PMCH: variants seen among roughly 807,000 people sequenced by gnomAD.
PMCH encodes pro-MCH.
A neutral mutation model predicts 15.9 loss-of-function variants in PMCH; 8 were observed. The ratio of observed to expected loss-of-function variants is 0.50; its 90% confidence interval spans 0.29 to 0.91. PMCH has a LOEUF of 0.91. Among genes scored for constraint, PMCH ranks in the 40% least tolerant of loss-of-function variants. PMCH has a pLI of 0.07. For missense variants in PMCH, 169 were observed against 185.7 expected (o/e 0.91, Z 0.52); for synonymous variants, 73 against 63.8 (o/e 1.14, Z -0.69).
Position 102,196,558 on chromosome 12 carries a change from A to G in PMCH, c.*94T>C. ...CTTTCTTTTAAAACAGACATTTAAC[A>G]TACACAAGTTATAGTAGCAGTATGG... is the stretch of plus-strand genomic sequence containing the variant. On this transcript the variant is annotated 3_prime_UTR_variant, in exon 3 of 3. Coordinates refer to ENST00000329406, the MANE Select transcript of PMCH (RefSeq NM_002674.4). The G allele has an allele frequency of 1.1e-6, 1 of 905,610 alleles. No individual in the cohort carries two copies. The highest frequency in any genetic ancestry group is 2.4e-5 in the East Asian group (1 of 41,696). The allele number at this position is 905,610 out of a possible 1,614,324, so 56.1% of individuals were successfully genotyped here.
Position 102,197,755 on chromosome 12 carries a change from G to T in PMCH, c.16C>A (p.Leu6Ile). The T allele has an allele frequency of 1.3e-6, 2 of 1,581,498 alleles. No individual in the cohort carries two copies. Among genetic ancestry groups the T allele is most frequent in the Non-Finnish European group, 1.7e-6 (2 of 1,163,322 alleles). ...GTTAGTATTAATATATAGGAAGAGA[G>T]ATTCATTTTTGCCATTCTTAGTTTG... is the stretch of plus-strand genomic sequence containing the variant. MAKMN[L>I]SSYILILTFS... The change falls in exon 1 of 3, where the codon CTC becomes ATC. Residue 6 changes from leucine to isoleucine, a missense_variant. Coordinates refer to ENST00000329406, the MANE Select transcript of PMCH (RefSeq NM_002674.4).
rs1891330798 is a variant in PMCH, at chr12:102,196,587, T to A, written c.*65A>T. The A allele has an allele frequency of 1.8e-6, 2 of 1,133,836 alleles. No homozygotes were observed. Among genetic ancestry groups the A allele is most frequent in the Non-Finnish European group, 2.7e-6 (2 of 742,798 alleles). 70.2% of individuals were successfully genotyped at this position (1,133,836 alleles called of 1,614,324 possible). A position where few individuals can be genotyped will look rare whatever the true frequency, so the allele number is the denominator to read the frequency against. ...ACAAGTTATAGTAGCAGTATGGGCTTCTCCTCCCATTGGCAATTAAATGCT... is the reference window on the plus strand; with the variant it reads ...ACAAGTTATAGTAGCAGTATGGGCTACTCCTCCCATTGGCAATTAAATGCT... On this transcript the variant is annotated 3_prime_UTR_variant, in exon 3 of 3. Coordinates refer to ENST00000329406, the MANE Select transcript of PMCH (RefSeq NM_002674.4).
chr12:102,197,134 AGACCATGATTTAAGAAAT>A lies in PMCH; in HGVS notation c.269_286del (p.Asn90_Leu96delinsMet), dbSNP rs1266971496. ...AGGTTTTATAGCCAGATTCAGTGGC[AGACCATGATTTAAGAAAT>A]TATGTTTGGAGCCTGTGTTCTGTAA... On this transcript the variant is annotated inframe_deletion, in exon 2 of 3. Coordinates refer to ENST00000329406, the MANE Select transcript of PMCH (RefSeq NM_002674.4). The A allele has an allele frequency of 3.0e-5, 49 of 1,612,152 alleles. No individual in the cohort carries two copies. The highest frequency in any genetic ancestry group is 4.1e-5 in the Non-Finnish European group (48 of 1,178,672).
rs1891380789 is a variant in PMCH at position 102,197,115 on chromosome 12, T to C, written c.306A>G (p.Ile102Met). The change falls in exon 2 of 3, where the codon ATA (isoleucine) becomes ATG (methionine). Residue 102 changes from isoleucine to methionine, a missense_variant. Physicochemically the swap from Ile to Met is conservative, Grantham distance 10. Coordinates refer to ENST00000329406, the MANE Select transcript of PMCH (RefSeq NM_002674.4). ...LNHGLPLNLA[I>M]KPYLALKGSV... ...ATCCTTTTAGTGCAAGATAAGGTTT[T>C]ATAGCCAGATTCAGTGGCAGACCAT... The C allele has an allele frequency of 2.5e-6, 4 of 1,612,372 alleles. No homozygotes were observed. Among genetic ancestry groups the C allele is most frequent in the Non-Finnish European group, 3.4e-6 (4 of 1,178,734 alleles).
rs761128374 is a variant in PMCH, at chr12:102,196,692, C to T, written c.458G>A (p.Cys153Tyr). Residue 153 changes from cysteine (C) to tyrosine (Y), a missense_variant, in exon 3 of 3, where the codon TGT becomes TAT. Cys to Tyr is a radical substitution (Grantham distance 194). Coordinates refer to ENST00000329406, the MANE Select transcript of PMCH (RefSeq NM_002674.4). The stretch of plus-strand genomic sequence containing the variant: ...AGGTCGGTAGACTCTTCCCAGCATA[C>T]ATCTGAGCACTGAAGGAAGAAGAAA... ...IGRRDFDMLRCMLGRVYRPCW... is the reference protein window; with the variant it reads ...IGRRDFDMLRYMLGRVYRPCW... 4 of 1,607,720 alleles carry T rather than the reference C, an allele frequency of 2.5e-6. No homozygotes were observed. The highest frequency in any genetic ancestry group is 1.1e-5 in the South Asian group (1 of 90,894).
At chr12:102,196,837 TC>T in intron 2 of PMCH, 135 bp downstream of exon 2, 1 of 1,038,936 alleles carries the variant, frequency 9.6e-7, no homozygotes, top group Non-Finnish European at 1.5e-6. Context: ...TGCTATTTAA[TC>T]CCACATTTTT....
At chr12:102,196,740 T>C (rs757922645) in intron 2 of PMCH, 39 bp from the exon 3 acceptor site, 8 of 1,457,898 alleles carry the variant, frequency 5.5e-6, no homozygotes, top group Non-Finnish European at 7.7e-6. Context: ...TAAAGGACTA[T>C]AATTATCACA....
In PMCH at chr12:102,196,519, A is replaced by G; in HGVS notation, c.*133T>C. 1.3e-6 allele frequency: 1 copy of G among 771,176 alleles called. No homozygotes were observed. Among genetic ancestry groups the G allele is most frequent in the Admixed American group, 2.1e-5 (1 of 46,730 alleles). The allele number at this position is 771,176 out of a possible 1,614,324, so 47.8% of individuals were successfully genotyped here. A position where few individuals can be genotyped will look rare whatever the true frequency, so the allele number is the denominator to read the frequency against. The stretch of plus-strand genomic sequence containing the variant: ...AAAGCATATCATTTCAGTTACTGAT[A>G]CATCTTAACACTACTTTCTTTTAAA... On this transcript the variant is annotated 3_prime_UTR_variant, in exon 3 of 3. Coordinates refer to ENST00000329406, the MANE Select transcript of PMCH (RefSeq NM_002674.4).
At position 102,197,700 on chromosome 12, in the gene PMCH, A is replaced by G. The variant is rs1891437142; in HGVS notation, c.71T>C (p.Leu24Pro). 1 of 1,608,526 alleles carries G rather than the reference A, an allele frequency of 6.2e-7. No homozygotes were observed. The highest frequency in any genetic ancestry group is 1.7e-4 in the Middle Eastern group (1 of 6,048). Residue 24 changes from leucine to proline, a missense_variant, in exon 1 of 3, where the codon CTT (leucine) becomes CCT (proline). Coordinates refer to ENST00000329406, the MANE Select transcript of PMCH (RefSeq NM_002674.4). ...TFSLFSQGIL[L>P]SASKSIRNLD... ...ATTTCTTATGGACTTGGATGCTGAA[A>G]GTAAAATACCTTGAGAAAACAAAGA... is the stretch of plus-strand genomic sequence containing the variant.
chr12:102,197,026 A>G lies in PMCH; in HGVS notation c.395T>C (p.Ile132Thr), dbSNP rs138083104. ...NTESTQEKRE[I>T]GDEENSAKFP... ...TTTAGCTGAGTTTTCTTCATCCCCA[A>G]TTTCTCTCTTTTCTTGTGTTGATTC... is the stretch of plus-strand genomic sequence containing the variant. The change falls in exon 2 of 3, where the codon ATT becomes ACT. Residue 132 changes from isoleucine (I) to threonine (T), a missense_variant. Ile to Thr is a moderately conservative substitution (Grantham distance 89). Transcript: ENST00000329406. 98 of 1,611,892 alleles carry G rather than the reference A, an allele frequency of 6.1e-5. No individual in the cohort carries two copies. The highest frequency in any genetic ancestry group is 1.6e-4 in the Middle Eastern group (1 of 6,076).
Position 102,196,662 on chromosome 12 carries a change from C to A in PMCH, c.488G>T (p.Trp163Leu). 6.2e-7 allele frequency: 1 copy of A among 1,610,150 alleles called. No individual in the cohort carries two copies. Among genetic ancestry groups the A allele is most frequent in the Non-Finnish European group, 8.5e-7 (1 of 1,176,880 alleles). The change falls in exon 3 of 3, where the codon TGG (tryptophan) becomes TTG (leucine). Residue 163 changes from tryptophan (W) to leucine (L), a missense_variant. Coordinates refer to ENST00000329406, the MANE Select transcript of PMCH (RefSeq NM_002674.4). ...CMLGRVYRPC[W>L]QV ...GTGGACCAACAGGTATCAGACTTGC[C>A]AACAAGGTCGGTAGACTCTTCCCAG...
At position 102,197,219 on chromosome 12, in the gene PMCH, G is replaced by C. The variant is rs781587463; in HGVS notation, c.250-48C>G. On this transcript the variant is annotated intron_variant, in intron 1 of 2. Transcript: ENST00000329406. ...GTTTTTAGCTATCGTATTCGGAGTGGAACTATAATACAATTGTATAATATT... is the reference window on the plus strand; with the variant it reads ...GTTTTTAGCTATCGTATTCGGAGTGCAACTATAATACAATTGTATAATATT... The C allele has an allele frequency of 4.5e-6, 6 of 1,340,080 alleles. No individual in the cohort carries two copies. The East Asian group carries it at 1.4e-4, about 31-fold the overall frequency. 83.0% of individuals were successfully genotyped at this position (1,340,080 alleles called of 1,614,324 possible).
chr12:102,197,500 G>A (rs1891417378), intron 1 of PMCH, 22 bp downstream of exon 1: 3 of 1,575,166 alleles, frequency 1.9e-6, no homozygotes, highest in East Asian at 2.2e-5. Context: ...TGAAATAAAC[G>A]ACAAGTCACA....
Position 102,197,688 on chromosome 12 carries a change from T to C in PMCH, c.83A>G (p.Lys28Arg). The C allele has an allele frequency of 6.2e-7, 1 of 1,610,920 alleles. No homozygotes were observed. Among genetic ancestry groups the C allele is most frequent in the Non-Finnish European group, 8.5e-7 (1 of 1,177,750 alleles). ...GTCATCATCTAAATTTCTTATGGAC[T>C]TGGATGCTGAAAGTAAAATACCTTG... is the stretch of plus-strand genomic sequence containing the variant. ...FSQGILLSAS[K>R]SIRNLDDDMV... Residue 28 changes from lysine (K) to arginine (R), a missense_variant, in exon 1 of 3, where the codon AAG becomes AGG. Lys to Arg is a conservative substitution (Grantham distance 26). Transcript: ENST00000329406.
intron 1 of PMCH, 42 bp downstream of exon 1, chr12:102,197,480 A>T: frequency 6.5e-7 from 1 of 1,531,030 alleles, no homozygotes; most frequent in South Asian, 1.2e-5. Context: ...AGAATCATTT[A>T]AATTTTCATT....
rs749691464 is a variant in PMCH at position 102,196,876 on chromosome 12, T to C, written c.448+97A>G. ...CAGGTGTAATTGAGCCATGGTCTTA[T>C]TTGATTTTGTTATGATTGCATCCAA... On this transcript the variant is annotated intron_variant, in intron 2 of 2. Coordinates refer to ENST00000329406, the MANE Select transcript of PMCH (RefSeq NM_002674.4). 3.5e-6 allele frequency: 4 copies of C among 1,148,352 alleles called. No individual in the cohort carries two copies. The African/African-American group carries it at 4.7e-5, about 13-fold the overall frequency. The allele number at this position is 1,148,352 out of a possible 1,614,324, so 71.1% of individuals were successfully genotyped here.
Position 102,197,000 on chromosome 12 carries a change from A to G in PMCH, c.421T>C (p.Phe141Leu), listed in dbSNP as rs769213731. Reference sequence around the variant, plus strand: ...TCAAAATCTCTCCTTCCTATAGGAAATTTAGCTGAGTTTTCTTCATCCCCA... The same window carrying G: ...TCAAAATCTCTCCTTCCTATAGGAAGTTTAGCTGAGTTTTCTTCATCCCCA... ...EIGDEENSAK[F>L]PIGRRDFDML... is the part of the protein sequence containing the mutation. The change falls in exon 2 of 3, where the codon TTT becomes CTT. Residue 141 changes from phenylalanine to leucine, a missense_variant. Phe to Leu is a conservative substitution (Grantham distance 22). Coordinates refer to ENST00000329406, the MANE Select transcript of PMCH (RefSeq NM_002674.4). 12 of 1,611,716 alleles carry G rather than the reference A, an allele frequency of 7.4e-6. No homozygotes were observed. The South Asian group carries it at 1.2e-4, about 16-fold the overall frequency.
chr12:102,197,534 A>G lies in PMCH; in HGVS notation c.237T>C (p.Asn79=). 6.9e-6 allele frequency: 11 copies of G among 1,605,362 alleles called. No individual in the cohort carries two copies. The highest frequency in any genetic ancestry group is 9.3e-6 in the Non-Finnish European group (11 of 1,176,816). The change falls in exon 1 of 3, where the codon AAT becomes AAC. Residue 79 remains asparagine, a synonymous_variant. Coordinates refer to ENST00000329406, the MANE Select transcript of PMCH (RefSeq NM_002674.4). The part of the protein sequence containing the change: ...DESSFMNEEE[N]KVSKNTGSKH... ...CATTGCCACTTACCTTTGAAACTTTATTTTCCTCTTCGTTCATGAAACTGC... is the reference window on the plus strand; with the variant it reads ...CATTGCCACTTACCTTTGAAACTTTGTTTTCCTCTTCGTTCATGAAACTGC...
intron 1 of PMCH, 160 bp from the exon 2 acceptor site, chr12:102,197,331 T>G (rs1891401856): frequency 6.1e-6 from 5 of 822,214 alleles, no homozygotes; most frequent in Non-Finnish European, 9.3e-6. Context: ...AAAAACACTT[T>G]CAGATAAGAG....
Sources: allele counts gnomAD v4.1 joint callset, GRCh38; gene constraint gnomAD v4.1.1; transcripts MANE v1.5; gene names NCBI Gene and HGNC (gene_info 2026-07-23, HGNC 2026-07-21).